The following WDR62 variants were observed in gnomAD, a reference collection of about 807,000 sequenced individuals.
WDR62 encodes the protein WD repeat domain 62.
A neutral mutation model predicts 160.6 loss-of-function variants in WDR62; 112 were observed. That is an observed-to-expected ratio of 0.70 (90% CI 0.60 to 0.82). WDR62 has a LOEUF of 0.82. Ranked by LOEUF, WDR62 falls within the 40% of genes least tolerant of loss-of-function variation. WDR62 has a pLI of 0.00. For missense variants in WDR62, 1,819 were observed against 1,983.8 expected (o/e 0.92, Z 1.58); for synonymous variants, 792 against 815.1 (o/e 0.97, Z 0.48).
chr19:36,085,822 A>C (rs1320369752), intron 12 of WDR62, among the ~76,000 whole-genome samples: 1 of 152,098 alleles, frequency 6.6e-6, no homozygotes, highest in Admixed American at 6.5e-5. Context: ...CCCAGATGAT[A>C]TATGGATGAT....
At chr19:36,065,517 G>A (rs184496569) in intron 3 of WDR62, among the ~76,000 whole-genome samples, 7 of 152,278 alleles carry the variant, frequency 4.6e-5, no homozygotes, top group African/African-American at 1.2e-4. Flanking sequence ...AACACCTTGA[G>A]TATTTAGCAG....
In WDR62 at chr19:36,056,437, C is replaced by T. The variant is rs533801898; in HGVS notation, c.177+1289C>T. 5.3e-5 allele frequency among the ~76,000 whole-genome samples: 8 copies of T among 152,266 alleles called. No individual in the cohort carries two copies. The East Asian group carries it at 1.4e-3, about 26-fold the overall frequency. On this transcript the variant is annotated intron_variant, in intron 1 of 31. Coordinates refer to ENST00000401500, the MANE Select transcript of WDR62 (RefSeq NM_001083961.2). ...CCTGAGGCTCCATATTCTTTTCTGC[C>T]TCCTGGCCTTTGTGATTGGTGAGTC...
chr19:36,106,076 A>C (rs957264992), downstream of WDR62, among the ~76,000 whole-genome samples: 3 of 152,254 alleles, frequency 2.0e-5, no homozygotes, highest in African/African-American at 7.2e-5. Flanking sequence ...TCCTGGCAGC[A>C]GGCCCAGGCC....
intron 9 of WDR62, among the ~76,000 whole-genome samples, chr19:36,080,646 C>T (rs543816253): frequency 6.6e-6 from 1 of 151,406 alleles, no homozygotes; most frequent in Non-Finnish European, 1.5e-5. Context: ...TTAGTAGAGA[C>T]GGGGTTTCTC....
chr19:36,088,787 C>T (rs1359875664), intron 13 of WDR62, among the ~76,000 whole-genome samples: 1 of 152,196 alleles, frequency 6.6e-6, no homozygotes, highest in Non-Finnish European at 1.5e-5. Context: ...CCTTCTTTGT[C>T]CCCAGCCTTT....
chr19:36,076,894 T>C (rs1568340402), intron 9 of WDR62, among the ~76,000 whole-genome samples: 1 of 152,230 alleles, frequency 6.6e-6, no homozygotes, highest in Non-Finnish European at 1.5e-5. Context: ...GTAGCCATTA[T>C]ATACTATAGT....
intron 10 of WDR62, 22 bp downstream of exon 10, chr19:36,081,592 C>A (rs1397663447): frequency 3.1e-6 from 5 of 1,614,168 alleles, no homozygotes; most frequent in Non-Finnish European, 4.2e-6. Flanking sequence ...CCTTTGTGAA[C>A]CATCTTTCAG....
chr19:36,101,894 G>A, intron 25 of WDR62, 120 bp downstream of exon 25: 1 of 1,557,902 alleles, frequency 6.4e-7, no homozygotes, highest in Non-Finnish European at 8.8e-7. Context: ...GGGGATCCCT[G>A]CTTCTCAGCC....
Position 36,072,617 on chromosome 19 carries a change from G to A in WDR62, c.1044-725G>A, listed in dbSNP as rs1785790791. Among the ~76,000 whole-genome samples the A allele has an allele frequency of 1.3e-5, 2 of 152,120 alleles. 1 individual carries two copies. Among genetic ancestry groups the A allele is most frequent in the South Asian group, 4.1e-4 (2 of 4,830 alleles). On this transcript the variant is annotated intron_variant, in intron 8 of 31. Transcript: ENST00000401500. ...CAGGTGCCTAGGGCTGCCTCTTTGT[G>A]GATTTCTGGATGCTAGCTCCTGGGT...
intron 3 of WDR62, chr19:36,062,649 C>CAAAAAAAAAAAAAAA (rs1167386837): frequency 3.3e-4 from 13 of 39,462 alleles, no homozygotes; most frequent in African/African-American, 1.4e-3. Context: ...GAGTCCGTCT[C>CAAAAAAAAAAAAAAA]AAAAAAAAAA....
intron 1 of WDR62, among the ~76,000 whole-genome samples, chr19:36,056,534 C>T (rs1282793178): frequency 3.9e-5 from 6 of 152,182 alleles, no homozygotes; most frequent in African/African-American, 1.4e-4. Context: ...GCCTGAATGT[C>T]GCTATCTTGA....
At chr19:36,090,176 A>G (rs900926871) in intron 15 of WDR62, among the ~76,000 whole-genome samples, 26 of 152,344 alleles carry the variant, frequency 1.7e-4, no homozygotes, top group African/African-American at 6.0e-4. Context: ...AGGGCAAAGC[A>G]GTGCAAAGAG....
chr19:36,103,053 C>T lies in WDR62; in HGVS notation c.3441C>T (p.Tyr1147=), dbSNP rs552999428. 15 of 1,614,038 alleles carry T rather than the reference C, an allele frequency of 9.3e-6. No individual in the cohort carries two copies. In the East Asian group the frequency reaches 1.3e-4, roughly 14 times the overall value. The change falls in exon 28 of 32, where the codon TAC becomes TAT. Residue 1147 remains tyrosine, a synonymous_variant. Transcript: ENST00000401500. ...GGSQPRAGTG[Y]ASPDRTHVLA... ...GCCAGCCCAGAGCAGGTACTGGCTA[C>T]GCCTCCCCAGACAGGACCCACGTGA... is the stretch of plus-strand genomic sequence containing the variant.
intron 13 of WDR62, among the ~76,000 whole-genome samples, chr19:36,087,522 A>G (rs1027428883): frequency 2.0e-5 from 3 of 151,694 alleles, no homozygotes; most frequent in Non-Finnish European, 2.9e-5. Context: ...AAAAAAAAAA[A>G]AAGAAGAATA....
At chr19:36,075,453 T>C (rs553296878) in intron 9 of WDR62, 1 of 146,178 alleles carries the variant, frequency 6.8e-6, no homozygotes, top group East Asian at 2.0e-4. Context: ...TAGCAGCTTT[T>C]TTTCCCCCCC....
rs60043234 is a variant in WDR62 at position 36,092,620 on chromosome 19, G to T, written c.2211-69G>T. On this transcript the variant is annotated intron_variant, in intron 18 of 31. Transcript: ENST00000401500. ...AGGCTGTGGTGTGGGTGGCTTCAGG[G>T]TCAGCCACGGCAGCGGCTCCCATGC... 5.6e-6 allele frequency: 9 copies of T among 1,605,766 alleles called. No homozygotes were observed. The Admixed American group carries it at 6.7e-5, about 12-fold the overall frequency.
Position 36,104,937 on chromosome 19 carries a change from AC to A in WDR62, c.4486del (p.Leu1496TrpfsTer41). The A allele has an allele frequency of 1.2e-6, 2 of 1,608,098 alleles. No homozygotes were observed. The highest frequency in any genetic ancestry group is 2.2e-5 in the South Asian group (2 of 90,508). On this transcript the variant is annotated frameshift_variant, in exon 32 of 32. Transcript: ENST00000401500. LOFTEE classifies it high-confidence loss of function. ...GGACCCCCGTCCCCACCGACGCTGT[AC>A]CCCCTGGCCAGCCCAGACCTGCAGG... is the stretch of plus-strand genomic sequence containing the variant. Reference protein sequence around the residue: ...SPGPPSPPTLYPLASPDLQAL... With the variant: ...SPGPPSPPTLXPLASPDLQAL...
At chr19:36,073,313 G>T (rs1568336628) in intron 8 of WDR62, 29 bp from the exon 9 acceptor site, 1 of 1,612,436 alleles carries the variant, frequency 6.2e-7, no homozygotes, top group Admixed American at 1.7e-5. Flanking sequence ...GACATTGATG[G>T]TGATTGATTA....
At chr19:36,104,207 C>A (rs1199514791) in intron 30 of WDR62, among the ~76,000 whole-genome samples, 1 of 152,198 alleles carries the variant, frequency 6.6e-6, no homozygotes, top group Non-Finnish European at 1.5e-5. Flanking sequence ...TCAATGGGGA[C>A]AATGCCCAGA....
Sources: allele counts gnomAD v4.1 joint callset (sites outside exome capture counted in the v4.1 genomes callset), GRCh38; gene constraint gnomAD v4.1.1; transcripts MANE v1.5; gene names NCBI Gene and HGNC (gene_info 2026-07-23, HGNC 2026-07-21).